The following FUCA2 variants were observed in gnomAD, a reference collection of about 807,000 sequenced individuals.
FUCA2 encodes alpha-L-fucosidase 2, also known as plasma alpha-L-fucosidase.
In FUCA2, 41 loss-of-function variants were observed where a neutral mutation model predicts 52.6. The observed-to-expected ratio is 0.78, with a 90% confidence interval of 0.61 to 1.01. FUCA2 has a LOEUF of 1.01. Among genes scored for constraint, FUCA2 ranks in the 50% least tolerant of loss-of-function variants. The pLI is 0.00. For missense variants in FUCA2, 507 were observed against 569.5 expected (o/e 0.89, Z 1.12); for synonymous variants, 211 against 217.3 (o/e 0.97, Z 0.26).
rs76624560 is a variant in FUCA2, at chr6:143,501,152, T to C, written c.1154+780A>G. ...ATGAGAGATTGGTATTGAGTTCTCA[T>C]TATGGCTTCTCCCAGATCAACATTT... On this transcript the variant is annotated intron_variant, in intron 5 of 6. Coordinates refer to ENST00000002165, the MANE Select transcript of FUCA2 (RefSeq NM_032020.5). The surrounding 1 kb of genome is among the most constrained non-coding windows in gnomAD (Gnocchi z 6.1). 9.6e-3 allele frequency among the ~76,000 whole-genome samples: 1,468 copies of C among 152,318 alleles called. 21 individuals carry two copies. Among genetic ancestry groups the C allele is most frequent in the African/African-American group, 0.033 (1,386 of 41,558 alleles).
Position 143,495,040 on chromosome 6 carries a change from C to A in FUCA2, c.*667G>T. 1 of 153,266 alleles carries A rather than the reference C, an allele frequency of 6.5e-6. No homozygotes were observed. The highest frequency in any genetic ancestry group is 2.0e-4 in the South Asian group (1 of 5,128). 9.5% of individuals were successfully genotyped at this position (153,266 alleles called of 1,614,324 possible). ...CCTTCACATTCACTCACTGACTCAC[C>A]CAGAGCAACTTCCAGTCCTGTAAGC... is the stretch of plus-strand genomic sequence containing the variant. On this transcript the variant is annotated 3_prime_UTR_variant, in exon 7 of 7. Coordinates refer to ENST00000002165, the MANE Select transcript of FUCA2 (RefSeq NM_032020.5). This position sits in a 1 kb window ranked among gnomAD's most constrained non-coding sequence, Gnocchi z 5.2.
chr6:143,511,300 C>G lies in FUCA2; in HGVS notation c.224+111G>C. ...CGGGTAACGCAGTGGGAGGTGAAAC[C>G]GACGAGGGTGCAGGCAGCACCAGGC... On this transcript the variant is annotated intron_variant, in intron 1 of 6. Coordinates refer to ENST00000002165, the MANE Select transcript of FUCA2 (RefSeq NM_032020.5). This position sits in a 1 kb window ranked among gnomAD's most constrained non-coding sequence, Gnocchi z 6.3. 1 of 989,234 alleles carries G rather than the reference C, an allele frequency of 1.0e-6. No homozygotes were observed. Among genetic ancestry groups the G allele is most frequent in the Non-Finnish European group, 1.4e-6 (1 of 692,536 alleles). 61.3% of individuals were successfully genotyped at this position (989,234 alleles called of 1,614,324 possible).
rs17072709 is a variant in FUCA2, at chr6:143,502,971, A to G, written c.753-406T>C. On this transcript the variant is annotated intron_variant, in intron 3 of 6. Transcript: ENST00000002165. This position sits in a 1 kb window ranked among gnomAD's most constrained non-coding sequence, Gnocchi z 4.1. ...AGACACTTTTCTTTTCAATGATTCA[A>G]TGATCTCATACATGTAGTCTAGCCT... The G allele has an allele frequency of 0.02, 3,371 of 165,866 alleles. 116 individuals carry two copies. Among genetic ancestry groups the G allele is most frequent in the African/African-American group, 0.076 (3,169 of 41,714 alleles). 10.3% of individuals were successfully genotyped at this position (165,866 alleles called of 1,614,324 possible).
rs1427194548 is a variant in FUCA2 at position 143,510,805 on chromosome 6, C to G, written c.224+606G>C. 2.6e-5 allele frequency among the ~76,000 whole-genome samples: 4 copies of G among 152,050 alleles called. No individual in the cohort carries two copies. The highest frequency in any genetic ancestry group is 9.7e-5 in the African/African-American group (4 of 41,382). ...ACATAGATCTCAAGGTAAAATCTAA[C>G]GCACAGATTTTTGTGTAGCACCTTT... On this transcript the variant is annotated intron_variant, in intron 1 of 6. Coordinates refer to ENST00000002165, the MANE Select transcript of FUCA2 (RefSeq NM_032020.5). This position sits in a 1 kb window ranked among gnomAD's most constrained non-coding sequence, Gnocchi z 4.4.
chr6:143,507,621 T>A lies in FUCA2; in HGVS notation c.225-197A>T, dbSNP rs1163054860. On this transcript the variant is annotated intron_variant, in intron 1 of 6. Coordinates refer to ENST00000002165, the MANE Select transcript of FUCA2 (RefSeq NM_032020.5). The surrounding 1 kb of genome is among the most constrained non-coding windows in gnomAD (Gnocchi z 4.5). ...CTCTCATTTTCCACCTATCCCCCTG[T>A]GATATCCACTCAGCTCATAAACTAG... Among the ~76,000 whole-genome samples the A allele has an allele frequency of 6.6e-6, 1 of 152,106 alleles. No homozygotes were observed. Among genetic ancestry groups the A allele is most frequent in the East Asian group, 1.9e-4 (1 of 5,192 alleles).
At position 143,495,514 on chromosome 6, in the gene FUCA2, G is replaced by T; in HGVS notation, c.*193C>A. On this transcript the variant is annotated 3_prime_UTR_variant, in exon 7 of 7. Coordinates refer to ENST00000002165, the MANE Select transcript of FUCA2 (RefSeq NM_032020.5). The surrounding 1 kb of genome is among the most constrained non-coding windows in gnomAD (Gnocchi z 5.2). ...AATGTGAAGAGACTTTAATGGCAAA[G>T]TGCACTGGAGAGTTAAAATGGTTAC... The T allele has an allele frequency of 2.0e-6, 1 of 492,180 alleles. No individual in the cohort carries two copies. Among genetic ancestry groups the T allele is most frequent in the Non-Finnish European group, 3.5e-6 (1 of 282,956 alleles). The allele number at this position is 492,180 out of a possible 1,614,324, so 30.5% of individuals were successfully genotyped here. A position where few individuals can be genotyped will look rare whatever the true frequency, so the allele number is the denominator to read the frequency against.
chr6:143,495,560 T>A lies in FUCA2; in HGVS notation c.*147A>T, dbSNP rs1022759356. On this transcript the variant is annotated 3_prime_UTR_variant, in exon 7 of 7. Transcript: ENST00000002165. The surrounding 1 kb of genome is among the most constrained non-coding windows in gnomAD (Gnocchi z 5.2). Reference sequence around the variant, plus strand: ...GTTACATGGGTAATTTAAGAAAAAATTTAGTGGGAAAAAGGGAAAGGGCTG... The same window carrying A: ...GTTACATGGGTAATTTAAGAAAAAAATTAGTGGGAAAAAGGGAAAGGGCTG... 6 of 782,712 alleles carry A rather than the reference T, an allele frequency of 7.7e-6. No homozygotes were observed. Among genetic ancestry groups the A allele is most frequent in the African/African-American group, 7.0e-5 (4 of 57,424 alleles). 48.5% of individuals were successfully genotyped at this position (782,712 alleles called of 1,614,324 possible). A position where few individuals can be genotyped will look rare whatever the true frequency, so the allele number is the denominator to read the frequency against.
At position 143,497,201 on chromosome 6, in the gene FUCA2, A is replaced by G; in HGVS notation, c.1263+188T>C. On this transcript the variant is annotated intron_variant, in intron 6 of 6. Coordinates refer to ENST00000002165, the MANE Select transcript of FUCA2 (RefSeq NM_032020.5). The surrounding 1 kb of genome is among the most constrained non-coding windows in gnomAD (Gnocchi z 5.3). ...AGTCTCAAACTTCTGGCCTCAAGAC[A>G]TCCTCCTGCCTTAGCCTCCCAAAGT... The G allele has an allele frequency of 1.9e-6, 1 of 540,208 alleles. No homozygotes were observed. Among genetic ancestry groups the G allele is most frequent in the South Asian group, 2.2e-5 (1 of 45,814 alleles). 33.5% of individuals were successfully genotyped at this position (540,208 alleles called of 1,614,324 possible).
chr6:143,496,002 A>G (rs558561465), intron 6 of FUCA2, among the ~76,000 whole-genome samples, 155 bp from the exon 7 acceptor site: 2 of 152,262 alleles, frequency 1.3e-5, no homozygotes, highest in East Asian at 1.9e-4. Context: ...TCTTCATCCA[A>G]TTGAGTGTAT....
Position 143,511,477 on chromosome 6 carries a change from G to T in FUCA2, c.158C>A (p.Ala53Asp). Residue 53 changes from alanine (A) to aspartate (D), a missense_variant, in exon 1 of 7, where the codon GCC (alanine) becomes GAC (aspartate). Transcript: ENST00000002165. The surrounding 1 kb of genome is among the most constrained non-coding windows in gnomAD (Gnocchi z 6.3). ...ARQLPAWFDQAKFGIFIHWGV... is the reference protein window; with the variant it reads ...ARQLPAWFDQDKFGIFIHWGV... ...CCAGTGGATGAAGATGCCGAACTTG[G>T]CCTGGTCAAACCACGCGGGCAGCTG... 1 of 1,608,438 alleles carries T rather than the reference G, an allele frequency of 6.2e-7. No homozygotes were observed. The highest frequency in any genetic ancestry group is 1.1e-5 in the South Asian group (1 of 89,894).
rs943835786 is a variant in FUCA2 at position 143,504,968 on chromosome 6, T to C, written c.413-716A>G. The C allele has an allele frequency of 2.6e-5, 4 of 152,196 alleles. No individual in the cohort carries two copies. Among genetic ancestry groups the C allele is most frequent in the Non-Finnish European group, 5.9e-5 (4 of 68,036 alleles). The allele number at this position is 152,196 out of a possible 1,614,324, so 9.4% of individuals were successfully genotyped here. A position where few individuals can be genotyped will look rare whatever the true frequency, so the allele number is the denominator to read the frequency against. On this transcript the variant is annotated intron_variant, in intron 2 of 6. Coordinates refer to ENST00000002165, the MANE Select transcript of FUCA2 (RefSeq NM_032020.5). This position sits in a 1 kb window ranked among gnomAD's most constrained non-coding sequence, Gnocchi z 4.4. ...CTTGGATGTTCCTCTTTAATAAAAT[T>C]ACCCAAAAGTGAATAGTCTACCAAC... is the stretch of plus-strand genomic sequence containing the variant.
rs1780566952 is a variant in FUCA2 at position 143,504,077 on chromosome 6, G to C, written c.588C>G (p.Ser196=). 3 of 1,613,986 alleles carry C rather than the reference G, an allele frequency of 1.9e-6. No individual in the cohort carries two copies. The Admixed American group carries it at 5.0e-5, about 27-fold the overall frequency. Residue 196 remains serine (S), a synonymous_variant, in exon 3 of 7, where the codon TCC becomes TCG. Coordinates refer to ENST00000002165, the MANE Select transcript of FUCA2 (RefSeq NM_032020.5). This position sits in a 1 kb window ranked among gnomAD's most constrained non-coding sequence, Gnocchi z 4.4. ...WFHPLFLEDE[S]SSFHKRQFPV... is the part of the protein sequence containing the mutation. ...GAAATTGCCGCTTATGGAATGAACT[G>C]GATTCATCCTCAAGGAAGAGCGGAT...
Position 143,511,333 on chromosome 6 carries a change from C to T in FUCA2, c.224+78G>A. ...GTGCAGGCAGCACCAGGCGGCGAAC[C>T]AGGCCCGCTGGGTGGTGGCTGGAGG... On this transcript the variant is annotated intron_variant, in intron 1 of 6. Transcript: ENST00000002165. The surrounding 1 kb of genome is among the most constrained non-coding windows in gnomAD (Gnocchi z 6.3). The T allele has an allele frequency of 7.2e-7, 1 of 1,385,780 alleles. No individual in the cohort carries two copies. The highest frequency in any genetic ancestry group is 9.8e-7 in the Non-Finnish European group (1 of 1,022,460). 85.8% of individuals were successfully genotyped at this position (1,385,780 alleles called of 1,614,324 possible). A position where few individuals can be genotyped will look rare whatever the true frequency, so the allele number is the denominator to read the frequency against.
chr6:143,507,894 C>T lies in FUCA2; in HGVS notation c.225-470G>A, dbSNP rs921816645. On this transcript the variant is annotated intron_variant, in intron 1 of 6. Transcript: ENST00000002165. This position sits in a 1 kb window ranked among gnomAD's most constrained non-coding sequence, Gnocchi z 4.5. ...ATGTTGCCCAGGCTGGTCTTAAACT[C>T]CTGGGCTCAAGCGATCTTCCTGCTT... 1.1e-4 allele frequency among the ~76,000 whole-genome samples: 16 copies of T among 152,166 alleles called. No individual in the cohort carries two copies. Among genetic ancestry groups the T allele is most frequent in the Non-Finnish European group, 2.2e-4 (15 of 68,006 alleles).
At chr6:143,506,911 G>A (rs1232564161) in intron 2 of FUCA2, 1 of 293,800 alleles carries the variant, frequency 3.4e-6, no homozygotes, top group Non-Finnish European at 6.3e-6. Flanking sequence ...GAAGGAAAGA[G>A]TGCAATTCCA....
Position 143,499,181 on chromosome 6 carries a change from G to A in FUCA2, c.1155-1684C>T, listed in dbSNP as rs746377340. Among the ~76,000 whole-genome samples, 3 of 152,170 alleles carry A rather than the reference G, an allele frequency of 2.0e-5. No individual in the cohort carries two copies. The highest frequency in any genetic ancestry group is 6.5e-5 in the Admixed American group (1 of 15,278). On this transcript the variant is annotated intron_variant, in intron 5 of 6. Coordinates refer to ENST00000002165, the MANE Select transcript of FUCA2 (RefSeq NM_032020.5). The surrounding 1 kb of genome is among the most constrained non-coding windows in gnomAD (Gnocchi z 6.0). Reference sequence around the variant, plus strand: ...TAGGAAGTTATTGAGGCTGGAGTTCGGAAAGAGGTCTGCACTGGAAATAGA... The same window carrying A: ...TAGGAAGTTATTGAGGCTGGAGTTCAGAAAGAGGTCTGCACTGGAAATAGA...
In FUCA2 at chr6:143,502,787, T is replaced by A. The variant is rs1222107071; in HGVS notation, c.753-222A>T. The stretch of plus-strand genomic sequence containing the variant: ...GACCTAGAGCAAATTACCTGACTCC[T>A]CTGAATAATGAATTTCCTCATCTAT... On this transcript the variant is annotated intron_variant, in intron 3 of 6. Coordinates refer to ENST00000002165, the MANE Select transcript of FUCA2 (RefSeq NM_032020.5). The surrounding 1 kb of genome is among the most constrained non-coding windows in gnomAD (Gnocchi z 4.1). The A allele has an allele frequency of 6.2e-6, 3 of 483,742 alleles. No individual in the cohort carries two copies. Among genetic ancestry groups the A allele is most frequent in the Non-Finnish European group, 1.1e-5 (3 of 273,806 alleles). The allele number at this position is 483,742 out of a possible 1,614,324, so 30.0% of individuals were successfully genotyped here.
chr6:143,506,109 A>G (rs1562666093), intron 2 of FUCA2: 2 of 151,548 alleles, frequency 1.3e-5, no homozygotes, highest in Non-Finnish European at 1.5e-5. Context: ...AAAATATCCT[A>G]TGATCATTCC....
rs1174736082 is a variant in FUCA2, at chr6:143,509,643, T to C, written c.224+1768A>G. Among the ~76,000 whole-genome samples the C allele has an allele frequency of 2.6e-5, 4 of 152,184 alleles. No individual in the cohort carries two copies. The highest frequency in any genetic ancestry group is 9.7e-5 in the African/African-American group (4 of 41,442). On this transcript the variant is annotated intron_variant, in intron 1 of 6. Coordinates refer to ENST00000002165, the MANE Select transcript of FUCA2 (RefSeq NM_032020.5). This position sits in a 1 kb window ranked among gnomAD's most constrained non-coding sequence, Gnocchi z 5.4. ...AGTTGTTAATTATGTACCACACTAA[T>C]CTAAAATATTTCCAAAACAAGCTCA...
Sources: gnomAD v4.1 joint callset for allele counts (sites outside exome capture counted in the v4.1 genomes callset) on GRCh38, gnomAD v4.1.1 for gene constraint, Gnocchi (gnomAD v3.1) non-coding constraint, MANE v1.5 for transcripts, NCBI Gene and HGNC (gene_info 2026-07-23, HGNC 2026-07-21) for gene names.